The following MGAT5 variants were observed in gnomAD, a reference collection of about 807,000 sequenced individuals.
MGAT5 encodes the protein alpha-1,6-mannosylglycoprotein 6-beta-N-acetylglucosaminyltransferase A.
MGAT5 carries 30 observed loss-of-function variants against 94.3 expected under a neutral mutation model. The observed-to-expected ratio is 0.32, with a 90% CI of 0.24 to 0.43. MGAT5 has a LOEUF of 0.43. Ranked by LOEUF, MGAT5 falls within the 20% of genes least tolerant of loss-of-function variation. The pLI, the probability that MGAT5 is intolerant of heterozygous loss-of-function variation, is 1.00. For synonymous variants in MGAT5, 310 were observed against 322.9 expected (o/e 0.96, Z 0.43); for missense variants, 691 against 905.5 (o/e 0.76, Z 3.04).
chr2:134,248,899 A>G (rs1421016894), intron 1 of MGAT5, among the ~76,000 whole-genome samples: 1 of 151,606 alleles, frequency 6.6e-6, no homozygotes, highest in Non-Finnish European at 1.5e-5. Context: ...TCTCGTTCTC[A>G]CTCCATTGGA....
intron 2 of MGAT5, among the ~76,000 whole-genome samples, chr2:134,278,549 G>T (rs575739975): frequency 6.6e-6 from 1 of 152,298 alleles, no homozygotes; most frequent in East Asian, 1.9e-4. Flanking sequence ...TCCCTGAAGA[G>T]ATTTCAGATG....
chr2:134,146,555 A>G (rs1375622823), intron 1 of MGAT5, among the ~76,000 whole-genome samples: 2 of 146,464 alleles, frequency 1.4e-5, no homozygotes, highest in African/African-American at 2.8e-5. Flanking sequence ...GCAGGACCCT[A>G]TTTAAAAAAA....
At position 134,228,564 on chromosome 2, in the gene MGAT5, AT is replaced by A. The variant is rs1681185175; in HGVS notation, c.-142-25693del. ...GAAAATGGATCTGGGCCTCTTGAAT[AT>A]TTTTCCTTTGCAGCTGGTACAATGT... On this transcript the variant is annotated intron_variant, in intron 1 of 16. Transcript: ENST00000409645. Among the ~76,000 whole-genome samples the A allele has an allele frequency of 2.0e-5, 3 of 152,092 alleles. No individual in the cohort carries two copies. The South Asian group carries it at 6.2e-4, about 32-fold the overall frequency.
chr2:134,448,930 A>G lies in MGAT5; in HGVS notation c.*83A>G. The G allele has an allele frequency of 7.1e-7, 1 of 1,399,476 alleles. No homozygotes were observed. Among genetic ancestry groups the G allele is most frequent in the Non-Finnish European group, 9.8e-7 (1 of 1,016,768 alleles). 86.7% of individuals were successfully genotyped at this position (1,399,476 alleles called of 1,614,324 possible). A position where few individuals can be genotyped will look rare whatever the true frequency, so the allele number is the denominator to read the frequency against. ...TCAGGCAGGGCCAGGGACAGAAGTC[A>G]TGCAGGGACTCTGGCAAGAGCCTGA... On this transcript the variant is annotated 3_prime_UTR_variant, in exon 16 of 16. Transcript: ENST00000281923.
chr2:134,379,285 G>A (rs1681388902), intron 10 of MGAT5, among the ~76,000 whole-genome samples: 1 of 152,172 alleles, frequency 6.6e-6, no homozygotes, highest in African/African-American at 2.4e-5. Context: ...GTGATGACTT[G>A]CTAGTATTCC....
chr2:134,257,948 T>A lies in MGAT5; in HGVS notation c.241+3304T>A, dbSNP rs556634708. Among the ~76,000 whole-genome samples, 6 of 151,968 alleles carry A rather than the reference T, an allele frequency of 3.9e-5. No homozygotes were observed. In the South Asian group the frequency reaches 1.0e-3, roughly 26 times the overall value. On this transcript the variant is annotated intron_variant, in intron 1 of 15. Transcript: ENST00000281923. The stretch of plus-strand genomic sequence containing the variant: ...GTATGGCTAGGATTTGTGTCTGGTT[T>A]AAATGAATCCAGCAAAAAGAAGAAA...
chr2:134,123,447 G>A (rs1479643784), intron 1 of MGAT5, among the ~76,000 whole-genome samples: 1 of 152,214 alleles, frequency 6.6e-6, no homozygotes, highest in Non-Finnish European at 1.5e-5. Context: ...GAAAGTTTAT[G>A]TCCTCTCCTT....
At chr2:134,280,373 A>C (rs1481059588) in intron 2 of MGAT5, among the ~76,000 whole-genome samples, 2 of 152,136 alleles carry the variant, frequency 1.3e-5, no homozygotes, top group African/African-American at 4.8e-5. Context: ...ACAAACCCCA[A>C]ATCTGCTTAT....
intron 1 of MGAT5, among the ~76,000 whole-genome samples, chr2:134,231,877 T>C (rs74994969): frequency 0.011 from 1,686 of 152,296 alleles, 22 homozygotes; most frequent in African/African-American, 0.037. Context: ...CCTGGTACTT[T>C]ACACCCAGTG....
intron 1 of MGAT5, among the ~76,000 whole-genome samples, chr2:134,148,961 C>T (rs558223846): frequency 2.9e-4 from 44 of 151,990 alleles, no homozygotes; most frequent in African/African-American, 1.0e-3. Context: ...GGCTTGGTTT[C>T]GCCATGTTGG....
intron 2 of MGAT5, among the ~76,000 whole-genome samples, chr2:134,310,503 A>C (rs952160216): frequency 1.3e-5 from 2 of 152,198 alleles, no homozygotes; most frequent in South Asian, 2.1e-4. Context: ...TTTTCAACTT[A>C]GATTAAAAAA....
chr2:134,330,554 A>AGTGTGTGTGTGTGTGT (rs34688054), intron 4 of MGAT5, among the ~76,000 whole-genome samples: 4,984 of 148,466 alleles, frequency 0.034, 199 homozygotes, highest in East Asian at 0.078. Flanking sequence ...TAAATTGTGT[A>AGTGTGTGTGTGTGTGT]GTGTGTGTGT....
At chr2:134,189,603 T>TTTTG (rs532822759) in intron 1 of MGAT5, among the ~76,000 whole-genome samples, 2 of 57,542 alleles carry the variant, frequency 3.5e-5, no homozygotes, top group African/African-American at 2.1e-4. Context: ...TTTTTTTTTG[T>TTTTG]TTTTTTTTTT....
At chr2:134,231,482 G>C (rs1387091235) in intron 1 of MGAT5, among the ~76,000 whole-genome samples, 2 of 152,214 alleles carry the variant, frequency 1.3e-5, no homozygotes, top group African/African-American at 4.8e-5. Context: ...AATGCTTCCT[G>C]TGTAGCAATG....
chr2:134,327,870 CAAAA>C (rs891462780), intron 4 of MGAT5, among the ~76,000 whole-genome samples: 1 of 151,754 alleles, frequency 6.6e-6, no homozygotes, highest in African/African-American at 2.4e-5. Flanking sequence ...ACATTAAACA[CAAAA>C]AAAGAGCTAT....
At chr2:134,129,976 T>G (rs1004528834) in intron 1 of MGAT5, among the ~76,000 whole-genome samples, 2 of 152,142 alleles carry the variant, frequency 1.3e-5, no homozygotes, top group African/African-American at 2.4e-5. Flanking sequence ...GCTGCAGCAC[T>G]CACAGGCCAG....
rs1004443065 is a variant in MGAT5, at chr2:134,448,875, C to G, written c.*28C>G. On this transcript the variant is annotated 3_prime_UTR_variant, in exon 16 of 16. Coordinates refer to ENST00000281923, the MANE Select transcript of MGAT5 (RefSeq NM_002410.5). ...GCTACCTGCTCAGCCCTGCACCATG[C>G]TGCTGGGGAAGACAGTGGCCCCAGC... 2 of 1,601,066 alleles carry G rather than the reference C, an allele frequency of 1.2e-6. No homozygotes were observed. Among genetic ancestry groups the G allele is most frequent in the East Asian group, 2.2e-5 (1 of 44,592 alleles).
intron 2 of MGAT5, among the ~76,000 whole-genome samples, chr2:134,279,420 C>T (rs895443807): frequency 3.9e-5 from 6 of 152,134 alleles, no homozygotes; most frequent in African/African-American, 7.2e-5. Flanking sequence ...TTCAGGCCAC[C>T]TCCACTACCT....
chr2:134,337,836 G>A (rs1213702220), intron 5 of MGAT5, among the ~76,000 whole-genome samples: 1 of 151,338 alleles, frequency 6.6e-6, no homozygotes, highest in East Asian at 1.9e-4. Context: ...GAGGCTTTCT[G>A]GCAACTTCCA....
Sources: allele counts gnomAD v4.1 joint callset (sites outside exome capture counted in the v4.1 genomes callset), GRCh38; gene constraint gnomAD v4.1.1; transcripts MANE v1.5; gene names NCBI Gene and HGNC (gene_info 2026-07-23, HGNC 2026-07-21).